The following SCAPER variants were observed in gnomAD, a reference collection of about 807,000 sequenced individuals.
The protein encoded by SCAPER is S phase cyclin A-associated protein in the endoplasmic reticulum.
SCAPER carries 98 observed loss-of-function variants against 182.2 expected under a neutral mutation model. The observed-to-expected ratio is 0.54, with a 90% confidence interval of 0.46 to 0.64. SCAPER has a LOEUF of 0.64. Among genes scored for constraint, SCAPER ranks in the 30% least tolerant of loss-of-function variants. SCAPER has a pLI of 0.00. For missense variants in SCAPER, 1,432 were observed against 1,690.0 expected (o/e 0.85, Z 2.68); for synonymous variants, 605 against 564.6 (o/e 1.07, Z -1.01).
intron 26 of SCAPER, among the ~76,000 whole-genome samples, chr15:76,408,421 T>A (rs1846641188): frequency 1.3e-5 from 2 of 152,166 alleles, no homozygotes; most frequent in South Asian, 4.1e-4. Flanking sequence ...TTGCAACTTT[T>A]GGTTGTTTTC....
intron 4 of SCAPER, among the ~76,000 whole-genome samples, chr15:76,848,892 T>G (rs999586137): frequency 1.3e-5 from 2 of 152,136 alleles, no homozygotes; most frequent in Middle Eastern, 6.8e-3. Context: ...GGCTCATGAA[T>G]GCAGAACAGT....
intron 9 of SCAPER, among the ~76,000 whole-genome samples, chr15:76,773,985 C>T (rs1165818590): frequency 6.6e-6 from 1 of 151,542 alleles, no homozygotes; most frequent in Non-Finnish European, 1.5e-5. Flanking sequence ...GTAAAATAAA[C>T]ATCAACTCAA....
intron 20 of SCAPER, among the ~76,000 whole-genome samples, chr15:76,693,930 G>A (rs1298785296): frequency 1.3e-5 from 2 of 152,128 alleles, no homozygotes; most frequent in Admixed American, 6.5e-5. Context: ...GCATAAGAAT[G>A]TGAATGAACT....
At chr15:76,803,074 T>C (rs1393940398) in intron 6 of SCAPER, among the ~76,000 whole-genome samples, 1 of 152,104 alleles carries the variant, frequency 6.6e-6, no homozygotes, top group East Asian at 1.9e-4. Context: ...ATAAATCTGA[T>C]ATGTCACTTC....
chr15:76,704,463 GTT>G (rs2059136072), intron 18 of SCAPER, among the ~76,000 whole-genome samples: 1 of 152,166 alleles, frequency 6.6e-6, no homozygotes, highest in Non-Finnish European at 1.5e-5. Flanking sequence ...TAGGTCTAAT[GTT>G]TAAGTCTTTA....
At chr15:76,375,476 A>C (rs2042493340) in intron 29 of SCAPER, among the ~76,000 whole-genome samples, 1 of 152,086 alleles carries the variant, frequency 6.6e-6, no homozygotes, top group Non-Finnish European at 1.5e-5. Context: ...CTATATGAAA[A>C]GTGACCCAAC....
At position 76,728,622 on chromosome 15, in the gene SCAPER, C is replaced by T; in HGVS notation, c.2138G>A (p.Arg713His). 4 of 1,613,600 alleles carry T rather than the reference C, an allele frequency of 2.5e-6. No individual in the cohort carries two copies. Among genetic ancestry groups the T allele is most frequent in the Non-Finnish European group, 3.4e-6 (4 of 1,179,632 alleles). Residue 713 changes from arginine (R) to histidine (H), a missense_variant, in exon 17 of 32, where the codon CGT becomes CAT. Physicochemically the swap from Arg to His is conservative, Grantham distance 29. Around this residue, in one of 5 missense-constraint regions of SCAPER, gnomAD observed 88 missense variants for 184.2 expected, o/e 0.48. Coordinates refer to ENST00000563290, the MANE Select transcript of SCAPER (RefSeq NM_020843.4). ...AGCTCTTTCCCGGGCTGCATCCTCA[C>T]GGGCTTTTTCCTTTTCTTGCCTCTG... ...EQQRQEKEKA[R>H]EDAARERARD...
At chr15:76,745,362 T>G (rs2061740952) in intron 15 of SCAPER, among the ~76,000 whole-genome samples, 1 of 152,068 alleles carries the variant, frequency 6.6e-6, no homozygotes, top group African/African-American at 2.4e-5. Flanking sequence ...GGCGGGAGAA[T>G]GGCTTGAACC....
chr15:76,791,648 C>A (rs2065014459), intron 8 of SCAPER, among the ~76,000 whole-genome samples: 1 of 151,294 alleles, frequency 6.6e-6, no homozygotes, highest in African/African-American at 2.4e-5. Flanking sequence ...AGTCTGACAA[C>A]TGCTAAAAAA....
chr15:76,583,864 G>A (rs997936992), intron 22 of SCAPER, among the ~76,000 whole-genome samples: 1 of 152,140 alleles, frequency 6.6e-6, no homozygotes, highest in African/African-American at 2.4e-5. Flanking sequence ...ACAGTTTGGA[G>A]GTTTCTCAAA....
At chr15:76,739,086 G>A (rs1318077784) in intron 15 of SCAPER, among the ~76,000 whole-genome samples, 1 of 152,122 alleles carries the variant, frequency 6.6e-6, no homozygotes, top group Non-Finnish European at 1.5e-5. Context: ...TTAGGTATAA[G>A]TAATCTAGAG....
intron 23 of SCAPER, among the ~76,000 whole-genome samples, chr15:76,572,912 C>CACACAA (rs2047536993): frequency 2.6e-5 from 1 of 39,106 alleles, no homozygotes; most frequent in Admixed American, 5.0e-4. Context: ...CTCTCTCTCT[C>CACACAA]TCTCTCTCAC....
chr15:76,517,772 T>G (rs1340450949), intron 23 of SCAPER, among the ~76,000 whole-genome samples: 1 of 152,168 alleles, frequency 6.6e-6, no homozygotes, highest in Non-Finnish European at 1.5e-5. Context: ...GATGTCCTCC[T>G]TTTTCTGTTC....
Position 76,753,798 on chromosome 15 carries a change from T to C in SCAPER, c.1866+10A>G. On this transcript the variant is annotated intron_variant, in intron 15 of 31. Transcript: ENST00000563290. Reference sequence around the variant, plus strand: ...TAATTAAGTCAACATTTAAAGCTCTTATGATATACCTTAGCTTCTTCTTCT... The same window carrying C: ...TAATTAAGTCAACATTTAAAGCTCTCATGATATACCTTAGCTTCTTCTTCT... The C allele has an allele frequency of 6.2e-7, 1 of 1,608,684 alleles. No homozygotes were observed. The highest frequency in any genetic ancestry group is 8.5e-7 in the Non-Finnish European group (1 of 1,177,124).
At chr15:76,577,324 G>C (rs909569280) in intron 22 of SCAPER, among the ~76,000 whole-genome samples, 2 of 152,136 alleles carry the variant, frequency 1.3e-5, no homozygotes. Flanking sequence ...GCACACACTT[G>C]TAGTCCCACC....
intron 25 of SCAPER, among the ~76,000 whole-genome samples, chr15:76,470,005 T>C (rs917531316): frequency 9.2e-5 from 14 of 152,132 alleles, no homozygotes; most frequent in African/African-American, 2.4e-4. Flanking sequence ...TAAAAAGCCA[T>C]TGTTGTACTG....
At chr15:76,464,517 A>G (rs1472601765) in intron 25 of SCAPER, among the ~76,000 whole-genome samples, 2 of 152,054 alleles carry the variant, frequency 1.3e-5, no homozygotes, top group Non-Finnish European at 2.9e-5. Context: ...TGGGTTTTGT[A>G]TCCCATGGAG....
chr15:76,377,392 CT>C (rs5813837), intron 28 of SCAPER, among the ~76,000 whole-genome samples: 60,272 of 152,036 alleles, frequency 0.4, 14,220 homozygotes, highest in Middle Eastern at 0.55. Context: ...TCAGCTCAGC[CT>C]TTATTTAATT....
intron 20 of SCAPER, among the ~76,000 whole-genome samples, chr15:76,694,931 G>A (rs2058573308): frequency 6.6e-6 from 1 of 151,910 alleles, no homozygotes; most frequent in South Asian, 2.1e-4. Context: ...ACTTTTTGCT[G>A]TAAAGGAAAA....
Sources: gnomAD v4.1 joint callset for allele counts (sites outside exome capture counted in the v4.1 genomes callset) on GRCh38, gnomAD v4.1.1 for gene constraint, gnomAD v4.1.1 regional missense constraint, MANE v1.5 for transcripts, NCBI Gene and HGNC (gene_info 2026-07-23, HGNC 2026-07-21) for gene names.